The following CSMD1 variants were observed in gnomAD, a reference collection of about 807,000 sequenced individuals.
The protein encoded by CSMD1 is CUB and Sushi multiple domains 1.
Under a neutral mutation model 417.5 loss-of-function variants are expected in CSMD1, and 213 were observed. The ratio of observed to expected loss-of-function variants is 0.51; its 90% CI spans 0.46 to 0.57. The LOEUF is 0.57. Ranked by LOEUF, CSMD1 falls within the 20% of genes least tolerant of loss-of-function variation. CSMD1 has a pLI of 0.00. For synonymous variants in CSMD1, 2,862 were observed against 1,736.8 expected, an observed-to-expected ratio of 1.65 and a Z score of -16.11; for missense variants, 6,923 against 4,529.7, an observed-to-expected ratio of 1.53 and a Z score of -15.17.
At chr8:3,713,460 C>G (rs767722892) in intron 6 of CSMD1, among the ~76,000 whole-genome samples, 1 of 152,136 alleles carries the variant, frequency 6.6e-6, no homozygotes, top group Non-Finnish European at 1.5e-5. Context: ...CTCTGTAGCC[C>G]CTGGGAAAGC....
intron 1 of CSMD1, among the ~76,000 whole-genome samples, chr8:4,881,353 C>A (rs749417803): frequency 1.3e-5 from 2 of 151,840 alleles, no homozygotes; most frequent in African/African-American, 4.8e-5. Context: ...TATGGTTACA[C>A]AGTAACTATT....
At position 4,320,210 on chromosome 8, in the gene CSMD1, C is replaced by T. The variant is rs143023436; in HGVS notation, c.415+99743G>A. The stretch of plus-strand genomic sequence containing the variant: ...TAACAAGGTAAAATGTGTGATATCT[C>T]GCATCTAAGCAAAAATTACCAGGCA... On this transcript the variant is annotated intron_variant, in intron 3 of 69. Coordinates refer to ENST00000635120, the MANE Select transcript of CSMD1 (RefSeq NM_033225.6). 1.3e-4 allele frequency among the ~76,000 whole-genome samples: 20 copies of T among 152,130 alleles called. No individual in the cohort carries two copies. The East Asian group carries it at 2.1e-3, about 16-fold the overall frequency.
intron 3 of CSMD1, among the ~76,000 whole-genome samples, chr8:4,061,522 G>C (rs1798972547): frequency 6.6e-6 from 1 of 152,172 alleles, no homozygotes; most frequent in African/African-American, 2.4e-5. Flanking sequence ...GGGAATGTGG[G>C]AGAAGCTGCA....
chr8:3,183,418 T>C (rs1446030057), intron 36 of CSMD1, among the ~76,000 whole-genome samples: 8 of 143,672 alleles, frequency 5.6e-5, no homozygotes, highest in Admixed American at 4.2e-4. Flanking sequence ...TATCTATCCC[T>C]GAAACATCGA....
At chr8:3,703,264 G>T (rs147175919) in intron 7 of CSMD1, among the ~76,000 whole-genome samples, 1 of 152,168 alleles carries the variant, frequency 6.6e-6, no homozygotes, top group African/African-American at 2.4e-5. Context: ...GTTAGGTTTT[G>T]TGCATGTTAA....
intron 40 of CSMD1, among the ~76,000 whole-genome samples, chr8:3,148,420 T>C (rs1818980269): frequency 6.6e-6 from 1 of 152,166 alleles, no homozygotes; most frequent in African/African-American, 2.4e-5. Context: ...TGCAGTGCTG[T>C]GGGTATAAAT....
At chr8:3,267,989 C>T (rs1027048271) in intron 26 of CSMD1, among the ~76,000 whole-genome samples, 1 of 152,104 alleles carries the variant, frequency 6.6e-6, no homozygotes, top group South Asian at 2.1e-4. Context: ...AGGGTCATTG[C>T]CCTGTGTGGG....
At chr8:4,837,856 T>C (rs1026349349) in intron 1 of CSMD1, among the ~76,000 whole-genome samples, 1 of 151,880 alleles carries the variant, frequency 6.6e-6, no homozygotes, top group Non-Finnish European at 1.5e-5. Context: ...TCAAAACATT[T>C]CATGTACCCC....
intron 4 of CSMD1, among the ~76,000 whole-genome samples, chr8:4,025,946 AC>A (rs1426726231): frequency 2.0e-5 from 3 of 151,928 alleles, no homozygotes; most frequent in Non-Finnish European, 4.4e-5. Flanking sequence ...TAAATTATAA[AC>A]TTTTATAACC....
chr8:4,937,991 G>T (rs940928724), intron 1 of CSMD1, among the ~76,000 whole-genome samples: 9 of 151,872 alleles, frequency 5.9e-5, no homozygotes, highest in Admixed American at 5.9e-4. Flanking sequence ...TGGCCTTTGT[G>T]ACTCATCCTC....
intron 5 of CSMD1, among the ~76,000 whole-genome samples, chr8:3,974,015 G>C (rs947820588): frequency 1.3e-5 from 2 of 152,188 alleles, no homozygotes; most frequent in Non-Finnish European, 2.9e-5. Flanking sequence ...CACTCTTTAA[G>C]TTACTTTAAA....
At chr8:4,173,774 T>A (rs560394425) in intron 3 of CSMD1, among the ~76,000 whole-genome samples, 1 of 152,232 alleles carries the variant, frequency 6.6e-6, no homozygotes, top group East Asian at 1.9e-4. Flanking sequence ...AAGTAACTCA[T>A]TCTATGACTC....
intron 1 of CSMD1, among the ~76,000 whole-genome samples, chr8:4,814,379 G>C (rs1378550763): frequency 6.6e-6 from 1 of 152,142 alleles, no homozygotes; most frequent in Non-Finnish European, 1.5e-5. Context: ...CCGAGTAGCT[G>C]GGATTATAAG....
chr8:4,309,365 TTGTTC>T (rs1429951120), intron 3 of CSMD1, among the ~76,000 whole-genome samples: 1 of 152,208 alleles, frequency 6.6e-6, no homozygotes, highest in Non-Finnish European at 1.5e-5. Context: ...AACTAATCTT[TTGTTC>T]TGTAGTCCCT....
Position 4,046,232 on chromosome 8 carries a change from G to T in CSMD1, c.416-14133C>A, listed in dbSNP as rs7829188. ...AATAAAAGCATTTTAACAATATAAA[G>T]GTCATGTGGCATTATCTTTTATTTC... On this transcript the variant is annotated intron_variant, in intron 3 of 69. Transcript: ENST00000635120. Among the ~76,000 whole-genome samples, 775 of 152,104 alleles carry T rather than the reference G, an allele frequency of 5.1e-3. 9 individuals are homozygous for T. The highest frequency in any genetic ancestry group is 0.018 in the African/African-American group (754 of 41,478).
chr8:4,332,544 A>C (rs887213180), intron 3 of CSMD1, among the ~76,000 whole-genome samples: 4 of 140,548 alleles, frequency 2.8e-5, no homozygotes, highest in African/African-American at 5.3e-5. Context: ...TTCTGTCATG[A>C]TATCACATAC....
intron 2 of CSMD1, among the ~76,000 whole-genome samples, chr8:4,428,675 C>T (rs1797699936): frequency 1.3e-5 from 2 of 152,088 alleles, no homozygotes; most frequent in Admixed American, 6.6e-5. Context: ...CTGATAATGT[C>T]ATATTAATAA....
intron 2 of CSMD1, among the ~76,000 whole-genome samples, chr8:4,420,523 C>G (rs899080071): frequency 3.3e-5 from 5 of 152,084 alleles, no homozygotes; most frequent in Admixed American, 6.6e-5. Context: ...TCCTAATTCA[C>G]TATTTTTAAT....
chr8:2,956,527 C>T (rs962509853), intron 63 of CSMD1, among the ~76,000 whole-genome samples: 5 of 152,132 alleles, frequency 3.3e-5, no homozygotes, highest in Non-Finnish European at 5.9e-5. Flanking sequence ...GATCTCCGCT[C>T]GCTGCAAGCT....
Sources: allele counts gnomAD v4.1 joint callset (sites outside exome capture counted in the v4.1 genomes callset), GRCh38; gene constraint gnomAD v4.1.1; transcripts MANE v1.5; gene names NCBI Gene and HGNC (gene_info 2026-07-23, HGNC 2026-07-21).